Variants in CPXM2 observed in about 807,000 individuals in gnomAD.
CPXM2 encodes the protein inactive carboxypeptidase-like protein X2.
A neutral mutation model predicts 86.1 loss-of-function variants in CPXM2; 66 were observed. The ratio of observed to expected loss-of-function variants is 0.77; its 90% CI spans 0.63 to 0.94. The LOEUF is 0.94. Among genes scored for constraint, CPXM2 ranks in the 40% least tolerant of loss-of-function variants. CPXM2 has a pLI of 0.00. For missense variants in CPXM2, 948 were observed against 1,026.3 expected, an observed-to-expected ratio of 0.92 and a Z score of 1.04; for synonymous variants, 388 against 400.2, an observed-to-expected ratio of 0.97 and a Z score of 0.36.
chr10:123,751,058 C>T lies in CPXM2; in HGVS notation c.2017+3605G>A, dbSNP rs950427192. The T allele has an allele frequency of 4.8e-5, 47 of 985,324 alleles. No homozygotes were observed. The South Asian group carries it at 1.6e-3, about 33-fold the overall frequency. 61.0% of individuals were successfully genotyped at this position (985,324 alleles called of 1,614,324 possible). ...GGAAGTCAACACATAATGGGCATCC[C>T]GGGCATTCATGCGTGCCAAGCCTGT... On this transcript the variant is annotated intron_variant, in intron 13 of 13. Coordinates refer to ENST00000241305, the MANE Select transcript of CPXM2 (RefSeq NM_198148.3).
At chr10:123,940,626 G>A (rs1406885435), upstream of CPXM2, among the ~76,000 whole-genome samples, 1 of 152,166 alleles carries the variant, frequency 6.6e-6, no homozygotes, top group East Asian at 1.9e-4. Flanking sequence ...CACCTAACAA[G>A]CATCCATAGA....
chr10:123,900,333 C>T (rs531753116), intron 2 of CPXM2, among the ~76,000 whole-genome samples: 1 of 152,094 alleles, frequency 6.6e-6, no homozygotes, highest in Non-Finnish European at 1.5e-5. Context: ...TGAGCCACCA[C>T]GCCTGGCCAA....
intron 2 of CPXM2, among the ~76,000 whole-genome samples, chr10:123,936,655 A>G (rs537635101): frequency 1.8e-4 from 27 of 152,214 alleles, no homozygotes; most frequent in Non-Finnish European, 3.8e-4. Context: ...ATGACATCAT[A>G]CAACTCTCAA....
At chr10:123,797,194 T>C (rs1458512175) in intron 6 of CPXM2, among the ~76,000 whole-genome samples, 1 of 152,224 alleles carries the variant, frequency 6.6e-6, no homozygotes, top group East Asian at 1.9e-4. Flanking sequence ...AGTAAGCATT[T>C]ACCCAAAGAC....
At position 123,830,882 on chromosome 10, in the gene CPXM2, G is replaced by C. The variant is rs1206305475; in HGVS notation, c.653+11467C>G. The stretch of plus-strand genomic sequence containing the variant: ...TCTCTCTCTCTCTCTCTGTGTGTGT[G>C]TGTGTGTGTGTGTGTGTGTGTGTGT... On this transcript the variant is annotated intron_variant, in intron 4 of 13. Transcript: ENST00000241305. 0.014 allele frequency among the ~76,000 whole-genome samples: 1,617 copies of C among 119,152 alleles called. 28 individuals are homozygous for C. The East Asian group carries it at 0.14, about 10-fold the overall frequency. The allele number at this position is 119,152 out of a possible 152,430, so 78.2% of individuals were successfully genotyped here.
intron 3 of CPXM2, among the ~76,000 whole-genome samples, chr10:123,855,366 A>G (rs530626879): frequency 4.6e-5 from 7 of 152,354 alleles, no homozygotes; most frequent in Admixed American, 4.6e-4. Context: ...AGGAAAAACA[A>G]AAACAAACAA....
At chr10:123,778,339 A>G (rs1020655406) in intron 7 of CPXM2, among the ~76,000 whole-genome samples, 1 of 152,212 alleles carries the variant, frequency 6.6e-6, no homozygotes, top group Non-Finnish European at 1.5e-5. Flanking sequence ...CTTCTTTCCC[A>G]TTCCCAGGAG....
At chr10:123,820,308 G>T (rs1376531436) in intron 4 of CPXM2, among the ~76,000 whole-genome samples, 1 of 152,190 alleles carries the variant, frequency 6.6e-6, no homozygotes, top group Non-Finnish European at 1.5e-5. Flanking sequence ...AGAGACAGAA[G>T]AGTGAGAGAG....
intron 1 of CPXM2, among the ~76,000 whole-genome samples, chr10:123,889,247 G>A (rs1309172107): frequency 6.6e-6 from 1 of 152,178 alleles, no homozygotes; most frequent in Non-Finnish European, 1.5e-5. Context: ...CCTATCTTAG[G>A]AATGATGTCC....
chr10:123,758,466 A>T (rs1165371357), intron 11 of CPXM2, among the ~76,000 whole-genome samples: 1 of 152,122 alleles, frequency 6.6e-6, no homozygotes, highest in Non-Finnish European at 1.5e-5. Flanking sequence ...GTCCCTTACA[A>T]GGACACTTCC....
rs970609551 is a variant in CPXM2 at position 123,757,206 on chromosome 10, A to G, written c.1917+7T>C. 6.2e-7 allele frequency: 1 copy of G among 1,613,714 alleles called. No homozygotes were observed. The highest frequency in any genetic ancestry group is 8.5e-7 in the Non-Finnish European group (1 of 1,179,764). On this transcript the variant is annotated splice_region_variant and intron_variant, in intron 12 of 13. Transcript: ENST00000241305. ...CCCCTCATCCCAGCCACACACCCGCAATATACCTGCTCCATGAACACGATC... is the reference window on the plus strand; with the variant it reads ...CCCCTCATCCCAGCCACACACCCGCGATATACCTGCTCCATGAACACGATC...
At chr10:123,844,185 G>T (rs1848447856) in intron 3 of CPXM2, among the ~76,000 whole-genome samples, 1 of 152,066 alleles carries the variant, frequency 6.6e-6, no homozygotes, top group Non-Finnish European at 1.5e-5. Context: ...ATACCATCGT[G>T]CAATAAATGA....
At chr10:123,773,943 G>A (rs1235755393) in intron 7 of CPXM2, among the ~76,000 whole-genome samples, 1 of 152,182 alleles carries the variant, frequency 6.6e-6, no homozygotes, top group Admixed American at 6.5e-5. Flanking sequence ...TCTCCCTAGA[G>A]GCTGCCTTGC....
At chr10:123,851,170 G>A (rs1262404726) in intron 3 of CPXM2, among the ~76,000 whole-genome samples, 1 of 152,180 alleles carries the variant, frequency 6.6e-6, no homozygotes. Flanking sequence ...AGTCACACTG[G>A]CTTTGCCTAA....
At chr10:123,860,439 A>G (rs1441827823) in intron 3 of CPXM2, among the ~76,000 whole-genome samples, 2 of 151,926 alleles carry the variant, frequency 1.3e-5, no homozygotes, top group African/African-American at 2.4e-5. Context: ...CCTGCGTGGC[A>G]CTCTGCCGGT....
At chr10:123,908,191 G>A (rs1945459649) in intron 2 of CPXM2, among the ~76,000 whole-genome samples, 1 of 151,930 alleles carries the variant, frequency 6.6e-6, no homozygotes, top group Non-Finnish European at 1.5e-5. Context: ...ACTGTTAGGG[G>A]TAGCACCAGT....
At chr10:123,889,367 C>T (rs1053039060) in intron 1 of CPXM2, among the ~76,000 whole-genome samples, 1 of 152,148 alleles carries the variant, frequency 6.6e-6, no homozygotes, top group African/African-American at 2.4e-5. Flanking sequence ...AGTGAGCTCC[C>T]CCAGCTTGTT....
intron 4 of CPXM2, among the ~76,000 whole-genome samples, chr10:123,813,479 C>A (rs143868864): frequency 4.1e-4 from 62 of 152,300 alleles, no homozygotes; most frequent in African/African-American, 1.4e-3. Flanking sequence ...AGATCAATTG[C>A]CAACCTTTAG....
intron 2 of CPXM2, among the ~76,000 whole-genome samples, chr10:123,935,942 C>CACCATCATCACCAGCATCTTT (rs1945713549): frequency 6.7e-6 from 1 of 149,766 alleles, no homozygotes. Context: ...CCATCATCAT[C>CACCATCATCACCAGCATCTTT]ACCATCATCA....
Sources: allele counts gnomAD v4.1 joint callset (sites outside exome capture counted in the v4.1 genomes callset), GRCh38; gene constraint gnomAD v4.1.1; transcripts MANE v1.5; gene names NCBI Gene and HGNC (gene_info 2026-07-23, HGNC 2026-07-21).